Variants in PCLO observed in about 807,000 individuals in gnomAD.
The protein encoded by PCLO is piccolo presynaptic cytomatrix protein.
Under a neutral mutation model 427.5 loss-of-function variants are expected in PCLO, and 82 were observed. The observed-to-expected ratio is 0.19, with a 90% CI of 0.16 to 0.23. The LOEUF (loss-of-function observed/expected upper bound fraction) is 0.23, where lower values mean the gene tolerates loss of function less well. Among genes scored for constraint, PCLO ranks in the 10% least tolerant of loss-of-function variants. The probability of loss-of-function intolerance (pLI) is 1.00; values close to 1 mark genes in which losing one functional copy is unlikely to be tolerated. For synonymous variants in PCLO, 2,357 were observed against 2,155.4 expected (o/e 1.09, Z -2.59); for missense variants, 6,239 against 6,115.9 (o/e 1.02, Z -0.67).
At chr7:82,835,644 C>T in intron 16 of PCLO, 23 bp downstream of exon 16, 2 of 1,599,250 alleles carry the variant, frequency 1.3e-6, no homozygotes, top group East Asian at 4.5e-5. Flanking sequence ...CAGAGCTTGA[C>T]ACTGAAAGAG....
intron 3 of PCLO, among the ~76,000 whole-genome samples, chr7:83,045,333 A>G (rs1049566549): frequency 6.6e-6 from 1 of 152,152 alleles, no homozygotes; most frequent in Non-Finnish European, 1.5e-5. Flanking sequence ...CCACGAATGC[A>G]CTTTCCTTAT....
intron 9 of PCLO, among the ~76,000 whole-genome samples, chr7:82,886,103 C>A (rs2116085190): frequency 6.6e-6 from 1 of 152,252 alleles, no homozygotes; most frequent in Non-Finnish European, 1.5e-5. Flanking sequence ...GTGTTGGAAG[C>A]CAGCATTTCT....
rs868803407 is a variant in PCLO, at chr7:82,845,308, G to A, written c.14009C>T (p.Ser4670Phe). 1 of 1,613,456 alleles carries A rather than the reference G, an allele frequency of 6.2e-7. No individual in the cohort carries two copies. Among genetic ancestry groups the A allele is most frequent in the Non-Finnish European group, 8.5e-7 (1 of 1,179,602 alleles). ...GTGCTTCTTTTTGCTCACTGAGGGG[G>A]ACCCTGGTTGCCCAGGGCTGGGAAC... ...SSVPSPGQPG[S>F]PSVSKKKHGS... The change falls in exon 13 of 25, where the codon TCC (serine) becomes TTC (phenylalanine). Residue 4670 changes from serine (S) to phenylalanine (F), a missense_variant. Coordinates refer to ENST00000333891, the MANE Select transcript of PCLO (RefSeq NM_033026.6).
rs1794690390 is a variant in PCLO, at chr7:82,925,450, T to A, written c.11113-8577A>T. 2.0e-5 allele frequency among the ~76,000 whole-genome samples: 3 copies of A among 152,234 alleles called. No individual in the cohort carries two copies. In the South Asian group the frequency reaches 6.2e-4, roughly 32 times the overall value. The stretch of plus-strand genomic sequence containing the variant: ...ATAGACTGGAAGCAGAGTTTCACTC[T>A]ATGAAATGTCAATGAAAACAGCAAT... On this transcript the variant is annotated intron_variant, in intron 6 of 24. Coordinates refer to ENST00000333891, the MANE Select transcript of PCLO (RefSeq NM_033026.6).
In PCLO at chr7:82,848,553, C is replaced by T. The variant is rs560223025; in HGVS notation, c.13655-1306G>A. Among the ~76,000 whole-genome samples, 27 of 151,868 alleles carry T rather than the reference C, an allele frequency of 1.8e-4. No homozygotes were observed. In the South Asian group the frequency reaches 4.2e-3, roughly 23 times the overall value. On this transcript the variant is annotated intron_variant, in intron 10 of 24. Coordinates refer to ENST00000333891, the MANE Select transcript of PCLO (RefSeq NM_033026.6). ...CTCAAACTCCTAACCTCAAATGATC[C>T]GCCTGCCTCAGCCTCCCAAAGTGCT...
intron 3 of PCLO, among the ~76,000 whole-genome samples, chr7:83,130,577 T>A (rs2116599943): frequency 6.6e-6 from 1 of 151,900 alleles, no homozygotes; most frequent in Non-Finnish European, 1.5e-5. Context: ...TAATTTCTTT[T>A]GTGTGTGTGT....
At chr7:83,143,643 A>C (rs62458619) in intron 2 of PCLO, among the ~76,000 whole-genome samples, 2 of 63,512 alleles carry the variant, frequency 3.1e-5, no homozygotes, top group East Asian at 2.8e-4. Context: ...AGGATTGCCC[A>C]AAAAAAAAAA....
chr7:82,768,318 G>A (rs1790575534), intron 22 of PCLO, among the ~76,000 whole-genome samples: 1 of 151,818 alleles, frequency 6.6e-6, no homozygotes, highest in African/African-American at 2.4e-5. Context: ...AGCTCCTCGG[G>A]AGACTGAGGC....
chr7:83,006,458 G>C (rs560255294), intron 3 of PCLO, among the ~76,000 whole-genome samples: 1 of 151,596 alleles, frequency 6.6e-6, no homozygotes, highest in South Asian at 2.1e-4. Flanking sequence ...AGATGGCAAA[G>C]TAGTATAGGA....
intron 3 of PCLO, among the ~76,000 whole-genome samples, chr7:83,024,735 C>T (rs1788442438): frequency 6.6e-6 from 1 of 152,220 alleles, no homozygotes; most frequent in African/African-American, 2.4e-5. Context: ...AGCAGTGGTT[C>T]TCCCAGTACG....
At chr7:82,840,457 A>C (rs1209821002) in intron 14 of PCLO, among the ~76,000 whole-genome samples, 1 of 152,084 alleles carries the variant, frequency 6.6e-6, no homozygotes, top group Non-Finnish European at 1.5e-5. Context: ...ATTCTTTTCA[A>C]ATAGTCTCTC....
At chr7:82,927,226 G>C (rs889561635) in intron 6 of PCLO, among the ~76,000 whole-genome samples, 1 of 152,088 alleles carries the variant, frequency 6.6e-6, no homozygotes, top group Non-Finnish European at 1.5e-5. Flanking sequence ...CACTGCCTTT[G>C]GGGTTTTCAT....
intron 3 of PCLO, among the ~76,000 whole-genome samples, chr7:83,041,266 C>T (rs1788966523): frequency 1.3e-5 from 2 of 151,972 alleles, no homozygotes; most frequent in Non-Finnish European, 2.9e-5. Context: ...ACATACGAAA[C>T]AATAAGTATA....
intron 22 of PCLO, among the ~76,000 whole-genome samples, chr7:82,791,103 A>G (rs1791091447): frequency 6.6e-6 from 1 of 152,154 alleles, no homozygotes; most frequent in African/African-American, 2.4e-5. Context: ...GTAATACCTT[A>G]TTATAAAGGA....
intron 8 of PCLO, among the ~76,000 whole-genome samples, chr7:82,906,280 C>T (rs1427276560): frequency 2.6e-5 from 4 of 151,898 alleles, no homozygotes; most frequent in African/African-American, 4.8e-5. Context: ...ATTACTTTTG[C>T]CTCCAAAGCA....
At chr7:83,009,583 A>G (rs1472458748) in intron 3 of PCLO, among the ~76,000 whole-genome samples, 1 of 151,914 alleles carries the variant, frequency 6.6e-6, no homozygotes, top group Non-Finnish European at 1.5e-5. Flanking sequence ...CTAAGAGATT[A>G]GTTAAAATAC....
intron 3 of PCLO, among the ~76,000 whole-genome samples, chr7:83,061,367 G>C (rs927509520): frequency 6.6e-6 from 1 of 152,054 alleles, no homozygotes; most frequent in African/African-American, 2.4e-5. Flanking sequence ...CCTGTTCTTT[G>C]TCTTTATTAA....
intron 9 of PCLO, among the ~76,000 whole-genome samples, chr7:82,895,007 C>A (rs893105327): frequency 6.6e-6 from 1 of 152,120 alleles, no homozygotes; most frequent in African/African-American, 2.4e-5. Flanking sequence ...AAATCATAGT[C>A]ATACTTGGAA....
chr7:82,768,199 G>T (rs1790571859), intron 22 of PCLO, among the ~76,000 whole-genome samples: 2 of 152,120 alleles, frequency 1.3e-5, no homozygotes, highest in Admixed American at 1.3e-4. Context: ...CAACTGGATG[G>T]ATCATTTGAG....
Sources: gnomAD v4.1 joint callset for allele counts (sites outside exome capture counted in the v4.1 genomes callset) on GRCh38, gnomAD v4.1.1 for gene constraint, MANE v1.5 for transcripts, NCBI Gene and HGNC (gene_info 2026-07-23, HGNC 2026-07-21) for gene names.